The following FGD3 variants were observed in gnomAD, a reference collection of about 807,000 sequenced individuals.
The protein encoded by FGD3 is FYVE, RhoGEF and PH domain-containing protein 3.
Under a neutral mutation model 71.8 loss-of-function variants are expected in FGD3, and 45 were observed. The ratio of observed to expected loss-of-function variants is 0.63; its 90% CI spans 0.49 to 0.80. The LOEUF is 0.80. Among genes scored for constraint, FGD3 ranks in the 30% least tolerant of loss-of-function variants. The pLI is 0.00. For synonymous variants in FGD3, 378 were observed against 392.8 expected, an observed-to-expected ratio of 0.96 and a Z score of 0.44; for missense variants, 844 against 951.5, an observed-to-expected ratio of 0.89 and a Z score of 1.49.
chr9:93,007,665 G>C (rs970715874), intron 6 of FGD3, among the ~76,000 whole-genome samples: 1 of 152,156 alleles, frequency 6.6e-6, no homozygotes, highest in Admixed American at 6.5e-5. Flanking sequence ...ACACAGCCCC[G>C]GTTGCAGGCT....
chr9:93,019,578 A>T lies in FGD3; in HGVS notation c.1356-253A>T, dbSNP rs7026045. ...TTCTGTTCTCCCACACCCCACCAACAGTGGGATCTTCATAATGACCCATTA... is the reference window on the plus strand; with the variant it reads ...TTCTGTTCTCCCACACCCCACCAACTGTGGGATCTTCATAATGACCCATTA... On this transcript the variant is annotated intron_variant, in intron 11 of 17. Coordinates refer to ENST00000375482, the MANE Select transcript of FGD3 (RefSeq NM_001083536.2). Among the ~76,000 whole-genome samples, 493 of 152,324 alleles carry T rather than the reference A, an allele frequency of 3.2e-3. 3 individuals are homozygous for T. The highest frequency in any genetic ancestry group is 0.011 in the African/African-American group (454 of 41,578).
chr9:92,978,143 G>A (rs2118583474), intron 3 of FGD3, among the ~76,000 whole-genome samples: 1 of 152,182 alleles, frequency 6.6e-6, no homozygotes, highest in East Asian at 1.9e-4. Context: ...TTAGCTGGGT[G>A]TGGTGGCACA....
intron 3 of FGD3, among the ~76,000 whole-genome samples, chr9:92,994,123 A>C (rs1158481124): frequency 6.6e-6 from 1 of 151,932 alleles, no homozygotes; most frequent in Non-Finnish European, 1.5e-5. Context: ...CCTCTCCAGC[A>C]CCTGTTCTTT....
intron 3 of FGD3, among the ~76,000 whole-genome samples, chr9:92,988,653 T>A (rs745914799): frequency 1.1e-4 from 16 of 152,202 alleles, no homozygotes; most frequent in Non-Finnish European, 2.2e-4. Flanking sequence ...TTACTGTAAA[T>A]CTTAATCTTA....
chr9:93,021,192 C>T (rs180691803), intron 13 of FGD3, among the ~76,000 whole-genome samples: 20 of 152,316 alleles, frequency 1.3e-4, no homozygotes, highest in African/African-American at 3.6e-4. Context: ...CCAGTGCCCC[C>T]GTGCCCTGGG....
intron 2 of FGD3, among the ~76,000 whole-genome samples, chr9:92,975,831 G>A (rs1041683492): frequency 5.9e-5 from 9 of 152,124 alleles, no homozygotes; most frequent in African/African-American, 2.2e-4. Flanking sequence ...AGTATCAGAG[G>A]ATTGAAAAAG....
At chr9:93,006,708 C>A (rs1032345338) in intron 6 of FGD3, among the ~76,000 whole-genome samples, 4 of 152,014 alleles carry the variant, frequency 2.6e-5, no homozygotes, top group Non-Finnish European at 5.9e-5. Flanking sequence ...TATTTTCCCC[C>A]ATTGATCTTT....
chr9:92,966,182 T>C lies in FGD3; in HGVS notation c.-217-9056T>C, dbSNP rs372863926. On this transcript the variant is annotated intron_variant, in intron 1 of 17. Coordinates refer to ENST00000375482, the MANE Select transcript of FGD3 (RefSeq NM_001083536.2). Reference sequence around the variant, plus strand: ...TGTAGGTGACAAGGGGCCCATTGTCTGAGGAGGGAGACAGGGACATGAGCC... The same window carrying C: ...TGTAGGTGACAAGGGGCCCATTGTCCGAGGAGGGAGACAGGGACATGAGCC... Among the ~76,000 whole-genome samples the C allele has an allele frequency of 7.2e-5, 11 of 152,150 alleles. 1 individual carries two copies. The East Asian group carries it at 7.7e-4, about 11-fold the overall frequency.
intron 1 of FGD3, among the ~76,000 whole-genome samples, chr9:92,957,099 C>A (rs1423423102): frequency 6.6e-6 from 1 of 152,214 alleles, no homozygotes; most frequent in Non-Finnish European, 1.5e-5. Flanking sequence ...TACGCATTCT[C>A]CAGTTGTCAG....
At chr9:92,960,988 C>T (rs1369733001) in intron 1 of FGD3, among the ~76,000 whole-genome samples, 3 of 151,768 alleles carry the variant, frequency 2.0e-5, no homozygotes, top group Non-Finnish European at 4.4e-5. Flanking sequence ...GGCCTCTCTC[C>T]TAGTGGGGTG....
At chr9:92,989,441 A>G (rs910571293) in intron 3 of FGD3, among the ~76,000 whole-genome samples, 7 of 152,206 alleles carry the variant, frequency 4.6e-5, no homozygotes, top group African/African-American at 1.7e-4. Context: ...AGTGTTTTTT[A>G]GTTTTCTTTT....
At position 92,956,834 on chromosome 9, in the gene FGD3, C is replaced by CTTTT. The variant is rs34469364; in HGVS notation, c.-218+9108_-218+9109insTTTT. On this transcript the variant is annotated intron_variant, in intron 1 of 17. Coordinates refer to ENST00000375482, the MANE Select transcript of FGD3 (RefSeq NM_001083536.2). ...TGAGATCCATCCATATAATTGCTTT[C>CTTTT]TTTCTTTTTTTTTTTTTTTTTGAAG... Among the ~76,000 whole-genome samples, 320 of 127,722 alleles carry CTTTT rather than the reference C, an allele frequency of 2.5e-3. 27 individuals are homozygous for CTTTT. Among genetic ancestry groups the CTTTT allele is most frequent in the African/African-American group, 3.7e-3 (118 of 31,666 alleles). The allele number at this position is 127,722 out of a possible 152,430, so 83.8% of individuals were successfully genotyped here. A position where few individuals can be genotyped will look rare whatever the true frequency, so the allele number is the denominator to read the frequency against.
chr9:92,989,268 C>T (rs1860306428), intron 3 of FGD3, among the ~76,000 whole-genome samples: 1 of 151,996 alleles, frequency 6.6e-6, no homozygotes, highest in African/African-American at 2.4e-5. Flanking sequence ...CCAGGATGGT[C>T]TTGATCTCCT....
chr9:93,034,770 G>C, intron 17 of FGD3, 89 bp downstream of exon 17: 1 of 1,419,570 alleles, frequency 7.0e-7, no homozygotes, highest in Non-Finnish European at 9.5e-7. Flanking sequence ...CCACCAGCTG[G>C]GGTCCACCTG....
intron 5 of FGD3, 74 bp from the exon 6 acceptor site, chr9:93,005,950 G>A: frequency 6.7e-7 from 1 of 1,496,838 alleles, no homozygotes; most frequent in Admixed American, 2.2e-5. Flanking sequence ...CCCCCCTGGT[G>A]GAGTTCATGT....
intron 14 of FGD3, among the ~76,000 whole-genome samples, chr9:93,025,157 A>C (rs1308965126): frequency 6.6e-6 from 1 of 151,928 alleles, no homozygotes; most frequent in African/African-American, 2.4e-5. Context: ...CGCCTGCCCC[A>C]CTCCCTTTAC....
At chr9:93,017,067 G>A (rs919188390) in intron 10 of FGD3, among the ~76,000 whole-genome samples, 1 of 152,112 alleles carries the variant, frequency 6.6e-6, no homozygotes, top group Admixed American at 6.6e-5. Context: ...CCAGGAGTTC[G>A]GGACCAGCCT....
chr9:92,950,463 G>A (rs1858934337), intron 1 of FGD3, among the ~76,000 whole-genome samples: 1 of 151,986 alleles, frequency 6.6e-6, no homozygotes, highest in Non-Finnish European at 1.5e-5. Flanking sequence ...AGCAGGAAGA[G>A]CAGGTTGGAT....
intron 15 of FGD3, 94 bp downstream of exon 15, chr9:93,030,090 G>A: frequency 6.8e-7 from 1 of 1,470,662 alleles, no homozygotes; most frequent in Non-Finnish European, 9.2e-7. Flanking sequence ...CACCAGCCAT[G>A]CACACCAGCC....
Sources: gnomAD v4.1 joint callset for allele counts (sites outside exome capture counted in the v4.1 genomes callset) on GRCh38, gnomAD v4.1.1 for gene constraint, MANE v1.5 for transcripts, NCBI Gene and HGNC (gene_info 2026-07-23, HGNC 2026-07-21) for gene names.